Variants in CARD16 observed in about 807,000 individuals in gnomAD.
The protein encoded by CARD16 is caspase recruitment domain family member 16, also known as caspase recruitment domain-containing protein 16.
In CARD16, 8 loss-of-function variants were observed where a neutral mutation model predicts 11.9. That is an observed-to-expected ratio of 0.67 (90% CI 0.39 to 1.21). The LOEUF is 1.21. CARD16 is among the 50% of genes most tolerant of loss of function. The pLI, the probability that CARD16 is intolerant of heterozygous loss-of-function variation, is 0.01. For missense variants in CARD16, 131 were observed against 118.1 expected, an observed-to-expected ratio of 1.11 and a Z score of -0.51; for synonymous variants, 44 against 43.8, an observed-to-expected ratio of 1.00 and a Z score of -0.02.
intron 2 of CARD16, chr11:105,044,036 A>T (rs149434968): frequency 5.5e-6 from 2 of 364,126 alleles, no homozygotes; most frequent in African/African-American, 4.1e-5. Flanking sequence ...AAACAACTAC[A>T]TAAGGGCTTA....
intron 3 of CARD16, among the ~76,000 whole-genome samples, chr11:105,042,706 G>A (rs1336556851): frequency 6.6e-6 from 1 of 152,114 alleles, no homozygotes; most frequent in Non-Finnish European, 1.5e-5. Flanking sequence ...TTCTTTGTAA[G>A]GATTTGTGAA....
Position 105,044,549 on chromosome 11 carries a change from C to T in CARD16, c.117G>A (p.Glu39=), listed in dbSNP as rs61739405. The change falls in exon 2 of 4, where the codon GAG becomes GAA. Residue 39 remains glutamate, a synonymous_variant. Coordinates refer to ENST00000673097, the MANE Select transcript of CARD16 (RefSeq NM_052889.4). ...LLQTRVLNQE[E]MEKVKRENAT... ...CATTTTCACGTTTTACTTTCTCCAT[C>T]TCTTCCTGGTTCAGCACCCTTGTCT... 7.4e-6 allele frequency: 12 copies of T among 1,614,152 alleles called. No individual in the cohort carries two copies. In the African/African-American group the frequency reaches 1.1e-4, roughly 14 times the overall value.
intron 2 of CARD16, chr11:105,043,879 CT>C: frequency 3.4e-6 from 1 of 294,336 alleles, no homozygotes; most frequent in Non-Finnish European, 6.3e-6. Flanking sequence ...GGAAAGAGCC[CT>C]GTTGAAATCT....
At chr11:105,044,160 T>C (rs1864155353) in intron 2 of CARD16, 1 of 640,068 alleles carries the variant, frequency 1.6e-6, no homozygotes, top group Admixed American at 3.0e-5. Flanking sequence ...TTAAGGAAAT[T>C]AGCTACCATG....
chr11:105,045,047 G>A (rs1395036771), intron 1 of CARD16: 1 of 628,592 alleles, frequency 1.6e-6, no homozygotes, highest in Non-Finnish European at 2.8e-6. Context: ...GGTAAGCAAG[G>A]GTTTAATTAA....
At chr11:105,041,740 C>A (rs1864116683) in intron 3 of CARD16, 21 bp from the exon 4 acceptor site, 2 of 1,610,436 alleles carry the variant, frequency 1.2e-6, no homozygotes, top group African/African-American at 1.3e-5. Flanking sequence ...CAAGGAATAT[C>A]ATGAACAGTG....
chr11:105,045,111 G>T (rs1334825356), intron 1 of CARD16, 180 bp downstream of exon 1: 4 of 836,046 alleles, frequency 4.8e-6, no homozygotes, highest in Non-Finnish European at 5.8e-6. Flanking sequence ...TTCTGGGCTT[G>T]CCTTTTCTTT....
chr11:105,044,911 G>T, intron 1 of CARD16: 1 of 651,492 alleles, frequency 1.5e-6, no homozygotes, highest in South Asian at 2.0e-5. Flanking sequence ...TCATCCTCTT[G>T]TGTCCCATGT....
At chr11:105,044,288 A>G in intron 2 of CARD16, 104 bp downstream of exon 2, 2 of 1,562,586 alleles carry the variant, frequency 1.3e-6, no homozygotes. Flanking sequence ...CCAAAGGCAG[A>G]GATAAGAAGA....
In CARD16 at chr11:105,045,330, G is replaced by C. The variant is rs371598262; in HGVS notation, c.-33C>G. 6.2e-6 allele frequency: 10 copies of C among 1,613,800 alleles called. No homozygotes were observed. The highest frequency in any genetic ancestry group is 6.8e-6 in the Non-Finnish European group (8 of 1,179,838). Reference sequence around the variant, plus strand: ...CTCTCCTACCCTTCTTGTGTGGGCTGAAACTGAAAGTATGTTTCGCCTTCC... The same window carrying C: ...CTCTCCTACCCTTCTTGTGTGGGCTCAAACTGAAAGTATGTTTCGCCTTCC... On this transcript the variant is annotated 5_prime_UTR_variant, in exon 1 of 4. Coordinates refer to ENST00000673097, the MANE Select transcript of CARD16 (RefSeq NM_052889.4).
rs1431978131 is a variant in CARD16, at chr11:105,044,652, A to G, written c.14T>C (p.Val5Ala). 6 of 1,613,932 alleles carry G rather than the reference A, an allele frequency of 3.7e-6. No homozygotes were observed. The highest frequency in any genetic ancestry group is 5.1e-6 in the Non-Finnish European group (6 of 1,179,876). Reference sequence around the variant, plus strand: ...AAACAGCTTTCTCTTCTCCTTCAGGACCTTGTCTGTTTGGAGCACAAGGAT... The same window carrying G: ...AAACAGCTTTCTCTTCTCCTTCAGGGCCTTGTCTGTTTGGAGCACAAGGAT... MADK[V>A]LKEKRKLFIH... is the part of the protein sequence containing the mutation. The change falls in exon 2 of 4, where the codon GTC becomes GCC. Residue 5 changes from valine (V) to alanine (A), a missense_variant. Transcript: ENST00000673097.
chr11:105,043,401 C>T lies in CARD16; in HGVS notation c.*43+82G>A, dbSNP rs541393899. On this transcript the variant is annotated intron_variant, in intron 3 of 3. Transcript: ENST00000673097. The stretch of plus-strand genomic sequence containing the variant: ...AGTCTATGGGAATTCTCCATAGCCC[C>T]TTCAAGCAGAGCTCATTCCACTAAA... 1.5e-4 allele frequency: 142 copies of T among 970,982 alleles called. 1 individual carries two copies. The highest frequency in any genetic ancestry group is 1.3e-3 in the Admixed American group (65 of 48,244). 60.1% of individuals were successfully genotyped at this position (970,982 alleles called of 1,614,324 possible). A position where few individuals can be genotyped will look rare whatever the true frequency, so the allele number is the denominator to read the frequency against.
At chr11:105,041,855 G>A (rs142207164) in intron 3 of CARD16, 136 bp from the exon 4 acceptor site, 18 of 795,656 alleles carry the variant, frequency 2.3e-5, no homozygotes, top group South Asian at 5.5e-5. Context: ...AGTTGAGTGC[G>A]TTTGCTGCTA....
Position 105,043,382 on chromosome 11 carries a change from T to C in CARD16, c.*43+101A>G, listed in dbSNP as rs941358687. On this transcript the variant is annotated intron_variant, in intron 3 of 3. Coordinates refer to ENST00000673097, the MANE Select transcript of CARD16 (RefSeq NM_052889.4). ...AAAAGAAAATTATATGATCAGTCTA[T>C]GGGAATTCTCCATAGCCCCTTCAAG... The C allele has an allele frequency of 5.1e-6, 4 of 781,770 alleles. No individual in the cohort carries two copies. The African/African-American group carries it at 5.2e-5, about 10-fold the overall frequency. 48.4% of individuals were successfully genotyped at this position (781,770 alleles called of 1,614,324 possible).
intron 3 of CARD16, among the ~76,000 whole-genome samples, chr11:105,042,047 G>A (rs189288573): frequency 9.0e-4 from 137 of 152,308 alleles, no homozygotes; most frequent in South Asian, 8.9e-3. Context: ...GTTAAAATAT[G>A]ATTTGTTTTC....
rs549938592 is a variant in CARD16, at chr11:105,043,049, C to T, written c.*43+434G>A. Among the ~76,000 whole-genome samples, 5 of 152,052 alleles carry T rather than the reference C, an allele frequency of 3.3e-5. No homozygotes were observed. The East Asian group carries it at 7.8e-4, about 24-fold the overall frequency. ...GGCCATGGCTTGAATATTGGAGGTG[C>T]ATGAGAGGAAGGGGGCCAAGATGAG... On this transcript the variant is annotated intron_variant, in intron 3 of 3. Transcript: ENST00000673097.
Position 105,045,081 on chromosome 11 carries a change from C to T in CARD16, c.7+210G>A, listed in dbSNP as rs965695220. ...AAGATTGCAAAATGACAGCAGGCTA[C>T]CCCTAAAGTCTCTGTTCCTTTCTGG... On this transcript the variant is annotated intron_variant, in intron 1 of 3. Coordinates refer to ENST00000673097, the MANE Select transcript of CARD16 (RefSeq NM_052889.4). 6.9e-5 allele frequency: 47 copies of T among 678,160 alleles called. 1 individual carries two copies. The highest frequency in any genetic ancestry group is 5.3e-5 in the Non-Finnish European group (21 of 397,492). 42.0% of individuals were successfully genotyped at this position (678,160 alleles called of 1,614,324 possible).
In CARD16 at chr11:105,045,307, C is replaced by T; in HGVS notation, c.-10G>A. On this transcript the variant is annotated 5_prime_UTR_variant, in exon 1 of 4. Transcript: ENST00000673097. ...AAGACTCACCGGCCATGGCTTTTCTCTCCTACCCTTCTTGTGTGGGCTGAA... is the reference window on the plus strand; with the variant it reads ...AAGACTCACCGGCCATGGCTTTTCTTTCCTACCCTTCTTGTGTGGGCTGAA... 10 of 1,614,014 alleles carry T rather than the reference C, an allele frequency of 6.2e-6. No individual in the cohort carries two copies. Among genetic ancestry groups the T allele is most frequent in the Non-Finnish European group, 7.6e-6 (9 of 1,179,892 alleles).
rs113827270 is a variant in CARD16, at chr11:105,041,847, T to C, written c.*44-128A>G. 186 of 842,770 alleles carry C rather than the reference T, an allele frequency of 2.2e-4. 2 individuals are homozygous for C. The African/African-American group carries it at 2.4e-3, about 11-fold the overall frequency. The allele number at this position is 842,770 out of a possible 1,614,324, so 52.2% of individuals were successfully genotyped here. A position where few individuals can be genotyped will look rare whatever the true frequency, so the allele number is the denominator to read the frequency against. On this transcript the variant is annotated intron_variant, in intron 3 of 3. Transcript: ENST00000673097. ...AATCCTAATCTAGTCATTAACATAG[T>C]TGAGTGCGTTTGCTGCTAATGGAGC...
Sources: allele counts gnomAD v4.1 joint callset (sites outside exome capture counted in the v4.1 genomes callset), GRCh38; gene constraint gnomAD v4.1.1; transcripts MANE v1.5; gene names NCBI Gene and HGNC (gene_info 2026-07-23, HGNC 2026-07-21).